ACSL6: variants seen among roughly 807,000 people sequenced by gnomAD.
ACSL6 encodes acyl-CoA synthetase long chain family member 6, also known as long-chain-fatty-acid--CoA ligase 6.
A neutral mutation model predicts 98.2 loss-of-function variants in ACSL6; 47 were observed. The ratio of observed to expected loss-of-function variants is 0.48; its 90% CI spans 0.38 to 0.61. ACSL6 has a LOEUF of 0.61. Among genes scored for constraint, ACSL6 ranks in the 20% least tolerant of loss-of-function variants. ACSL6 has a pLI of 0.00. For synonymous variants in ACSL6, 362 were observed against 336.9 expected (o/e 1.07, Z -0.82); for missense variants, 761 against 913.4 (o/e 0.83, Z 2.15).
upstream of ACSL6, chr5:132,011,722 G>T: frequency 7.8e-7 from 1 of 1,275,148 alleles, no homozygotes; most frequent in East Asian, 3.1e-5. This position sits in a 1 kb window ranked among gnomAD's most constrained non-coding sequence, Gnocchi z 5.4. Flanking sequence ...CCGCTGCGGA[G>T]ACGGCTCAAG....
rs1754344971 is a variant in ACSL6 at position 131,988,845 on chromosome 5, G to A, written c.612C>T (p.Asp204=). The change falls in exon 6 of 21, where the codon GAC becomes GAT. Residue 204 remains aspartate, a synonymous_variant. Transcript: ENST00000651883. ...TYSMVVVPLY[D]TLGPGAIRYI... is the part of the protein sequence containing the mutation. ...AGCGGATAGCCCCAGGGCCCAGGGT[G>A]TCATAGAGCGGGACCACCACCATGG... is the stretch of plus-strand genomic sequence containing the variant. 7 of 1,613,908 alleles carry A rather than the reference G, an allele frequency of 4.3e-6. No individual in the cohort carries two copies. The highest frequency in any genetic ancestry group is 5.1e-6 in the Non-Finnish European group (6 of 1,179,972).
intron 10 of ACSL6, chr5:131,976,306 T>C (rs1247954704): frequency 1.2e-6 from 1 of 838,188 alleles, no homozygotes; most frequent in Non-Finnish European, 1.4e-6. Context: ...GATTACTTTC[T>C]AAATAAAGGT....
chr5:131,950,033 A>C lies in ACSL6; in HGVS notation c.*4201T>G, dbSNP rs1168817520. ...ATTTTCATAAATGCATTTTATATTT[A>C]ATATGCATGCTACTATAACAAAGCA... On this transcript the variant is annotated 3_prime_UTR_variant, in exon 21 of 21. Coordinates refer to ENST00000651883, the MANE Select transcript of ACSL6 (RefSeq NM_001009185.3). 1 of 177,006 alleles carries C rather than the reference A, an allele frequency of 5.6e-6. No homozygotes were observed. The highest frequency in any genetic ancestry group is 1.2e-5 in the Non-Finnish European group (1 of 82,394). 11.0% of individuals were successfully genotyped at this position (177,006 alleles called of 1,614,324 possible). A position where few individuals can be genotyped will look rare whatever the true frequency, so the allele number is the denominator to read the frequency against.
At chr5:131,962,956 C>T (rs762861879) in intron 17 of ACSL6, among the ~76,000 whole-genome samples, 6 of 152,112 alleles carry the variant, frequency 3.9e-5, no homozygotes, top group Non-Finnish European at 7.4e-5. Context: ...CACTGCCACC[C>T]TCATGCCTAG....
intron 1 of ACSL6, chr5:131,999,267 C>T (rs1754942789): frequency 6.6e-6 from 1 of 151,972 alleles, no homozygotes; most frequent in East Asian, 1.9e-4. Flanking sequence ...TCATCTCAAA[C>T]AAGCTCATGG....
In ACSL6 at chr5:131,952,509, A is replaced by G. The variant is rs1752204369; in HGVS notation, c.*1725T>C. On this transcript the variant is annotated 3_prime_UTR_variant, in exon 21 of 21. Coordinates refer to ENST00000651883, the MANE Select transcript of ACSL6 (RefSeq NM_001009185.3). The stretch of plus-strand genomic sequence containing the variant: ...ATTCCTCCAAGGGAAAGGAGCTTCT[A>G]GACTACAAACACTGAGCACATACAT... The G allele has an allele frequency of 4.6e-6, 1 of 216,330 alleles. No homozygotes were observed. The highest frequency in any genetic ancestry group is 6.9e-5 in the East Asian group (1 of 14,522). The allele number at this position is 216,330 out of a possible 1,614,324, so 13.4% of individuals were successfully genotyped here. A position where few individuals can be genotyped will look rare whatever the true frequency, so the allele number is the denominator to read the frequency against.
Position 131,988,276 on chromosome 5 carries a change from G to C in ACSL6, c.653-50C>G, listed in dbSNP as rs745708377. On this transcript the variant is annotated intron_variant, in intron 6 of 20. Transcript: ENST00000651883. ...CAGGCCATGTGGGCCCAGGTCATGAGTGCAGGCAGCATGTGCCAGGCAGCA... is the reference window on the plus strand; with the variant it reads ...CAGGCCATGTGGGCCCAGGTCATGACTGCAGGCAGCATGTGCCAGGCAGCA... 4 of 1,597,324 alleles carry C rather than the reference G, an allele frequency of 2.5e-6. No individual in the cohort carries two copies. In the African/African-American group the frequency reaches 4.0e-5, roughly 16 times the overall value.
At position 132,011,482 on chromosome 5, in the gene ACSL6, A is replaced by T. The variant is rs1468253303; in HGVS notation, c.49+23T>A. 3 of 1,606,734 alleles carry T rather than the reference A, an allele frequency of 1.9e-6. No homozygotes were observed. The highest frequency in any genetic ancestry group is 2.6e-6 in the Non-Finnish European group (3 of 1,174,960). ...AGCCTGCGGGAGATGGGAGTCCGGG[A>T]CGCGGACAGGACGGGCACTTACCTA... On this transcript the variant is annotated intron_variant, in intron 1 of 20. Transcript: ENST00000651883. This position sits in a 1 kb window ranked among gnomAD's most constrained non-coding sequence, Gnocchi z 5.4.
At chr5:131,975,901 T>C in intron 10 of ACSL6, 1 of 985,472 alleles carries the variant, frequency 1.0e-6, no homozygotes, top group Non-Finnish European at 1.2e-6. Context: ...CCACCAACTG[T>C]CTCTCACAGT....
At chr5:131,966,559 T>C (rs778357273) in intron 16 of ACSL6, 27 bp from the exon 17 acceptor site, 7 of 1,588,884 alleles carry the variant, frequency 4.4e-6, no homozygotes, top group Non-Finnish European at 6.0e-6. Context: ...ATGGCTTCTC[T>C]CAGCCACATC....
At chr5:132,000,291 C>T (rs746869675) in intron 1 of ACSL6, among the ~76,000 whole-genome samples, 7 of 152,114 alleles carry the variant, frequency 4.6e-5, no homozygotes, top group African/African-American at 7.2e-5. Flanking sequence ...TGATCTCCAC[C>T]ACAAGACCCC....
rs758102106 is a variant in ACSL6, at chr5:131,990,971, CA to C, written c.271-5del. On this transcript the variant is annotated splice_region_variant and splice_polypyrimidine_tract_variant and intron_variant, in intron 2 of 20. Coordinates refer to ENST00000651883, the MANE Select transcript of ACSL6 (RefSeq NM_001009185.3). ...ATCGCCGTGCCCCGCCACTGTCCTA[CA>C]AGCCAAGCACCGGCCAGAGAAGTTG... 2 of 1,613,872 alleles carry C rather than the reference CA, an allele frequency of 1.2e-6. No individual in the cohort carries two copies. The highest frequency in any genetic ancestry group is 2.2e-5 in the South Asian group (2 of 91,064).
At chr5:131,990,832 C>G (rs893867753) in intron 3 of ACSL6, 21 bp downstream of exon 3, 5 of 1,606,568 alleles carry the variant, frequency 3.1e-6, no homozygotes, top group Non-Finnish European at 3.4e-6. Flanking sequence ...CCTCCACACC[C>G]CCCCCCACAA....
At position 131,988,091 on chromosome 5, in the gene ACSL6, CCT is replaced by C; in HGVS notation, c.786_787del (p.Gly263AlafsTer8). On this transcript the variant is annotated frameshift_variant, in exon 7 of 21. Transcript: ENST00000651883. LOFTEE classifies it high-confidence loss of function. ...CTTAATGACCACCCCGCACTTCTGCCCTCTCTCTTTCAGGGCTTCTTCGAATG... is the reference window on the plus strand; with the variant it reads ...CTTAATGACCACCCCGCACTTCTGCCCTCTCTTTCAGGGCTTCTTCGAATG... 6.2e-7 allele frequency: 1 copy of C among 1,614,158 alleles called. No homozygotes were observed. The highest frequency in any genetic ancestry group is 1.1e-5 in the South Asian group (1 of 91,076).
At chr5:131,968,785 G>T (rs536530242) in intron 15 of ACSL6, among the ~76,000 whole-genome samples, 1 of 152,134 alleles carries the variant, frequency 6.6e-6, no homozygotes, top group Admixed American at 6.5e-5. Flanking sequence ...AAATTGAGCC[G>T]CGTATATGAA....
intron 1 of ACSL6, 77 bp from the exon 2 acceptor site, chr5:131,994,328 A>G: frequency 7.9e-7 from 1 of 1,265,364 alleles, no homozygotes; most frequent in Non-Finnish European, 1.1e-6. Context: ...ACAGGACCTG[A>G]TATCTGGTCT....
chr5:131,988,871 A>C lies in ACSL6; in HGVS notation c.586T>G (p.Ser196Ala). ...IIVELACYTY[S>A]MVVVPLYDTL... ...TCATAGAGCGGGACCACCACCATGG[A>C]ATATGTGTAGCAGGCCAGCTCCACA... Residue 196 changes from serine to alanine, a missense_variant, in exon 6 of 21, where the codon TCC becomes GCC. Physicochemically the swap from Ser to Ala is moderately conservative, Grantham distance 99 (BLOSUM62 1). Transcript: ENST00000651883. 2.5e-6 allele frequency: 4 copies of C among 1,613,820 alleles called. No individual in the cohort carries two copies. Among genetic ancestry groups the C allele is most frequent in the Non-Finnish European group, 2.5e-6 (3 of 1,179,956 alleles).
rs1312924112 is a variant in ACSL6 at position 131,951,283 on chromosome 5, C to G, written c.*2951G>C. 4.8e-6 allele frequency: 1 copy of G among 208,580 alleles called. No homozygotes were observed. Among genetic ancestry groups the G allele is most frequent in the African/African-American group, 2.3e-5 (1 of 43,912 alleles). 12.9% of individuals were successfully genotyped at this position (208,580 alleles called of 1,614,324 possible). On this transcript the variant is annotated 3_prime_UTR_variant, in exon 21 of 21. Coordinates refer to ENST00000651883, the MANE Select transcript of ACSL6 (RefSeq NM_001009185.3). ...TCGTAAGTACATCACCTTTTTCTAT[C>G]TCTGTTAATGAGAAATACAGATTTT... is the stretch of plus-strand genomic sequence containing the variant.
Position 131,950,273 on chromosome 5 carries a change from C to T in ACSL6, c.*3961G>A, listed in dbSNP as rs1356763548. On this transcript the variant is annotated 3_prime_UTR_variant, in exon 21 of 21. Coordinates refer to ENST00000651883, the MANE Select transcript of ACSL6 (RefSeq NM_001009185.3). ...CACTGTCACCTCATGAAACCCTTTC[C>T]ATTTGGTACCAAGTTTAGAAATGCT... The T allele has an allele frequency of 4.9e-6, 1 of 203,982 alleles. No homozygotes were observed. Among genetic ancestry groups the T allele is most frequent in the East Asian group, 7.5e-5 (1 of 13,310 alleles). The allele number at this position is 203,982 out of a possible 1,614,324, so 12.6% of individuals were successfully genotyped here. A position where few individuals can be genotyped will look rare whatever the true frequency, so the allele number is the denominator to read the frequency against.
Sources: allele counts gnomAD v4.1 joint callset (sites outside exome capture counted in the v4.1 genomes callset), GRCh38; gene constraint gnomAD v4.1.1; non-coding constraint Gnocchi (gnomAD v3.1); transcripts MANE v1.5; gene names NCBI Gene and HGNC (gene_info 2026-07-23, HGNC 2026-07-21).